The following LTN1 variants were observed in gnomAD, a reference collection of about 807,000 sequenced individuals.
The protein encoded by LTN1 is E3 ubiquitin-protein ligase listerin.
In LTN1, 88 loss-of-function variants were observed where a neutral mutation model predicts 201.2. The ratio of observed to expected loss-of-function variants is 0.44; its 90% CI spans 0.37 to 0.52. The LOEUF (loss-of-function observed/expected upper bound fraction) is 0.52. LTN1 is among the 20% of genes least tolerant of loss of function. The pLI is 0.00. For missense variants in LTN1, 1,752 were observed against 2,038.7 expected (o/e 0.86, Z 2.71); for synonymous variants, 645 against 713.5 (o/e 0.90, Z 1.53).
At chr21:28,991,732 T>C (rs1385988245) in intron 1 of LTN1, among the ~76,000 whole-genome samples, 2 of 152,218 alleles carry the variant, frequency 1.3e-5, no homozygotes, top group African/African-American at 2.4e-5. Flanking sequence ...CAGGTTGCTA[T>C]AATTGTTAAT....
In LTN1 at chr21:28,986,559, G is replaced by A. The variant is rs1337409748; in HGVS notation, c.246+172C>T. The A allele has an allele frequency of 1.1e-5, 7 of 657,022 alleles. No individual in the cohort carries two copies. Among genetic ancestry groups the A allele is most frequent in the Non-Finnish European group, 1.8e-5 (7 of 385,034 alleles). The allele number at this position is 657,022 out of a possible 1,614,324, so 40.7% of individuals were successfully genotyped here. On this transcript the variant is annotated intron_variant, in intron 2 of 29. Transcript: ENST00000361371. This position sits in a 1 kb window ranked among gnomAD's most constrained non-coding sequence, Gnocchi z 4.1. ...AGTTCACTGTAACAAACTAATTTAC[G>A]ACCTAGAAAATAAATATCAACTAAG... is the stretch of plus-strand genomic sequence containing the variant.
At chr21:28,982,267 G>T in intron 5 of LTN1, 49 bp downstream of exon 5, 1 of 1,430,940 alleles carries the variant, frequency 7.0e-7, no homozygotes, top group Non-Finnish European at 9.8e-7. Flanking sequence ...GATTACTTAT[G>T]AGTGAAACAA....
intron 19 of LTN1, among the ~76,000 whole-genome samples, chr21:28,946,661 A>G (rs1158253594): frequency 6.6e-6 from 1 of 152,266 alleles, no homozygotes; most frequent in Admixed American, 6.5e-5. Context: ...AATGGAAAAT[A>G]GAACATACTG....
chr21:28,967,272 G>A, intron 9 of LTN1, 93 bp from the exon 10 acceptor site: 2 of 884,180 alleles, frequency 2.3e-6, no homozygotes, highest in Non-Finnish European at 3.4e-6. Context: ...AATCTCCAAA[G>A]TGATATCATT....
rs2084195330 is a variant in LTN1, at chr21:28,929,610, A to C, written c.*838T>G. Reference sequence around the variant, plus strand: ...TTTCCACTGATCTTTAAGTTTCAGTAATACTCATTTATTTCTTCCCTCTCA... The same window carrying C: ...TTTCCACTGATCTTTAAGTTTCAGTCATACTCATTTATTTCTTCCCTCTCA... On this transcript the variant is annotated 3_prime_UTR_variant, in exon 30 of 30. Coordinates refer to ENST00000361371, the MANE Select transcript of LTN1 (RefSeq NM_015565.3). 6.6e-6 allele frequency: 1 copy of C among 152,092 alleles called. No individual in the cohort carries two copies. Among genetic ancestry groups the C allele is most frequent in the South Asian group, 2.1e-4 (1 of 4,824 alleles). 9.4% of individuals were successfully genotyped at this position (152,092 alleles called of 1,614,324 possible).
chr21:28,966,354 T>C lies in LTN1; in HGVS notation c.2121+16A>G, dbSNP rs1232692862. 13 of 1,566,774 alleles carry C rather than the reference T, an allele frequency of 8.3e-6. No individual in the cohort carries two copies. Among genetic ancestry groups the C allele is most frequent in the Admixed American group, 1.9e-5 (1 of 51,878 alleles). The stretch of plus-strand genomic sequence containing the variant: ...CTATTATTCAAATAGTTTGAAAAGA[T>C]ATACAACAGGAATACCTTGGTTAGA... On this transcript the variant is annotated intron_variant, in intron 10 of 29. Transcript: ENST00000361371.
In LTN1 at chr21:28,965,850, A is replaced by G; in HGVS notation, c.2163+15T>C. 1 of 1,398,756 alleles carries G rather than the reference A, an allele frequency of 7.1e-7. No homozygotes were observed. The highest frequency in any genetic ancestry group is 2.4e-5 in the East Asian group (1 of 42,294). 86.6% of individuals were successfully genotyped at this position (1,398,756 alleles called of 1,614,324 possible). A position where few individuals can be genotyped will look rare whatever the true frequency, so the allele number is the denominator to read the frequency against. On this transcript the variant is annotated intron_variant, in intron 11 of 29. Transcript: ENST00000361371. ...TAAATACAAAAAAAAAAAGAAAAAA[A>G]AATCCCTAAGATACCTTTTCAATAA...
rs2250574 is a variant in LTN1, at chr21:28,945,885, T to C, written c.3690A>G (p.Leu1230=). The change falls in exon 21 of 30, where the codon CTA becomes CTG. Residue 1230 remains leucine, a synonymous_variant. Transcript: ENST00000361371. ...AAGGGGATGAGCAGTATTTCAGAAA[T>C]AGGGAAAGAAACCGGATTATTTCTA... The part of the protein sequence containing the change: ...VNIEIIRFLS[L]FLKYCSSPLA... The C allele has an allele frequency of 0.095, 152,526 of 1,613,358 alleles. 7,750 individuals are homozygous for C. Among genetic ancestry groups the C allele is most frequent in the Admixed American group, 0.15 (8,981 of 59,944 alleles).
rs1009409268 is a variant in LTN1 at position 28,957,611 on chromosome 21, T to A, written c.2748-135A>T. ...TGAAAATAAAAAGAGGTAAGTGACA[T>A]TCCCCCACCGATGACACACCAACAT... On this transcript the variant is annotated intron_variant, in intron 14 of 29. Transcript: ENST00000361371. 4.4e-5 allele frequency: 21 copies of A among 474,440 alleles called. No homozygotes were observed. The Admixed American group carries it at 8.9e-4, about 20-fold the overall frequency. 29.4% of individuals were successfully genotyped at this position (474,440 alleles called of 1,614,324 possible).
intron 11 of LTN1, chr21:28,964,815 C>T (rs370917182): frequency 6.0e-6 from 9 of 1,497,498 alleles, no homozygotes; most frequent in African/African-American, 1.4e-5. Context: ...ATTATTTGCA[C>T]CCCCTGCTCT....
chr21:28,971,298 A>C lies in LTN1; in HGVS notation c.957T>G (p.Ala319=). 1 of 1,614,048 alleles carries C rather than the reference A, an allele frequency of 6.2e-7. No homozygotes were observed. Among genetic ancestry groups the C allele is most frequent in the Non-Finnish European group, 8.5e-7 (1 of 1,179,948 alleles). ...DPIVCPALWE[A]VLYTLTTIED... is the part of the protein sequence containing the mutation. ...CAATAGTTGTAAGTGTATAGAGTAC[A>C]GCTTCCCAGAGAGCTGGGCAGACAA... The change falls in exon 7 of 30, where the codon GCT becomes GCG. Residue 319 remains alanine, a synonymous_variant. Coordinates refer to ENST00000361371, the MANE Select transcript of LTN1 (RefSeq NM_015565.3).
At chr21:28,953,172 G>GA (rs2084396685) in intron 17 of LTN1, 45 bp downstream of exon 17, 3 of 1,446,716 alleles carry the variant, frequency 2.1e-6, no homozygotes, top group Non-Finnish European at 2.8e-6. Flanking sequence ...AAGCCATAAA[G>GA]AAGTAGCATA....
chr21:28,976,631 G>A (rs2084617407), intron 6 of LTN1, among the ~76,000 whole-genome samples: 1 of 151,626 alleles, frequency 6.6e-6, no homozygotes, highest in Admixed American at 6.6e-5. Context: ...AAAGAGATGA[G>A]AAGTTCATGG....
chr21:28,980,495 T>C (rs1262280404), intron 6 of LTN1, among the ~76,000 whole-genome samples: 4 of 150,518 alleles, frequency 2.7e-5, no homozygotes, highest in African/African-American at 9.8e-5. Context: ...TATACATATG[T>C]AACTAACCTG....
chr21:28,952,861 A>G lies in LTN1; in HGVS notation c.3239+356T>C, dbSNP rs144605156. Among the ~76,000 whole-genome samples the G allele has an allele frequency of 3.3e-4, 51 of 152,338 alleles. No homozygotes were observed. The East Asian group carries it at 9.3e-3, about 28-fold the overall frequency. On this transcript the variant is annotated intron_variant, in intron 17 of 29. Coordinates refer to ENST00000361371, the MANE Select transcript of LTN1 (RefSeq NM_015565.3). ...ATCTAGGGGAGAGGGCTTTGTGGTC[A>G]TAACATTAAGACACACCTATAACAA...
rs928658326 is a variant in LTN1 at position 28,946,891 on chromosome 21, T to C, written c.3487+573A>G. Among the ~76,000 whole-genome samples the C allele has an allele frequency of 7.2e-5, 11 of 152,290 alleles. No homozygotes were observed. In the East Asian group the frequency reaches 2.1e-3, roughly 29 times the overall value. On this transcript the variant is annotated intron_variant, in intron 19 of 29. Coordinates refer to ENST00000361371, the MANE Select transcript of LTN1 (RefSeq NM_015565.3). ...CCTGGAATGCCCTTCCCCAACTATG[T>C]CCATATGGAAAACTATTTATCCTTC...
Position 28,952,245 on chromosome 21 carries a change from G to A in LTN1, c.3259C>T (p.Leu1087=). The A allele has an allele frequency of 6.2e-7, 1 of 1,605,668 alleles. No individual in the cohort carries two copies. The highest frequency in any genetic ancestry group is 1.1e-5 in the South Asian group (1 of 89,294). Reference sequence around the variant, plus strand: ...AACTTAGCAATAATAAGAGACCACAGTGTGCCATGTTCTCTGGACCTGAAA... The same window carrying A: ...AACTTAGCAATAATAAGAGACCACAATGTGCCATGTTCTCTGGACCTGAAA... ...LFNRSREHGT[L]WSLIIAKLIL... Residue 1087 remains leucine, a synonymous_variant, in exon 18 of 30, where the codon CTG becomes TTG. Transcript: ENST00000361371.
intron 13 of LTN1, among the ~76,000 whole-genome samples, chr21:28,958,920 A>C (rs2084449952): frequency 6.6e-6 from 1 of 152,074 alleles, no homozygotes; most frequent in Non-Finnish European, 1.5e-5. Flanking sequence ...AGAGAGAGAA[A>C]GAGGAAGGAA....
intron 7 of LTN1, 63 bp downstream of exon 7, chr21:28,971,208 T>C: frequency 7.6e-7 from 1 of 1,320,984 alleles, no homozygotes. Context: ...TCCCAGTAAG[T>C]TTTGGATATT....
Sources: allele counts gnomAD v4.1 joint callset (sites outside exome capture counted in the v4.1 genomes callset), GRCh38; gene constraint gnomAD v4.1.1; non-coding constraint Gnocchi (gnomAD v3.1); transcripts MANE v1.5; gene names NCBI Gene and HGNC (gene_info 2026-07-23, HGNC 2026-07-21).